KIAA1217: variants seen among roughly 807,000 people sequenced by gnomAD.
KIAA1217 encodes KIAA1217, also known as sickle tail protein homolog.
A neutral mutation model predicts 163.9 loss-of-function variants in KIAA1217; 88 were observed. The ratio of observed to expected loss-of-function variants is 0.54; its 90% CI spans 0.45 to 0.64. KIAA1217 has a LOEUF of 0.64. Among genes scored for constraint, KIAA1217 ranks in the 30% least tolerant of loss-of-function variants. KIAA1217 has a pLI of 0.00. For synonymous variants in KIAA1217, 903 were observed against 923.1 expected, an observed-to-expected ratio of 0.98 and a Z score of 0.39; for missense variants, 2,372 against 2,475.0, an observed-to-expected ratio of 0.96 and a Z score of 0.88.
rs1008320849 is a variant in KIAA1217 at position 24,131,466 on chromosome 10, T to C, written c.-170-88160T>C. The stretch of plus-strand genomic sequence containing the variant: ...AGTGATTCCAAGTCTTGTAATTTAA[T>C]ATGCATGGTTGAATGAACTTATCTT... On this transcript the variant is annotated intron_variant, in intron 2 of 18. Transcript: ENST00000376462. 3.9e-5 allele frequency among the ~76,000 whole-genome samples: 6 copies of C among 152,342 alleles called. No homozygotes were observed. The East Asian group carries it at 1.2e-3, about 29-fold the overall frequency.
At chr10:24,368,031 G>T (rs879472530) in intron 2 of KIAA1217, among the ~76,000 whole-genome samples, 2 of 152,024 alleles carry the variant, frequency 1.3e-5, no homozygotes, top group Non-Finnish European at 2.9e-5. Flanking sequence ...CTCTTTTTAG[G>T]GTAACAAGCT....
At chr10:24,107,610 T>C (rs2062681830) in intron 2 of KIAA1217, among the ~76,000 whole-genome samples, 1 of 152,232 alleles carries the variant, frequency 6.6e-6, no homozygotes, top group South Asian at 2.1e-4. Flanking sequence ...CATTGTGGTT[T>C]TGATTTGCAT....
In KIAA1217 at chr10:24,125,508, T is replaced by C. The variant is rs553742468; in HGVS notation, c.-170-94118T>C. On this transcript the variant is annotated intron_variant, in intron 2 of 18. Transcript: ENST00000376462. Reference sequence around the variant, plus strand: ...CAAATGTATTGATACAAAGTTGTTTTTGATATTTTTTCTTTTTAAAAATCT... The same window carrying C: ...CAAATGTATTGATACAAAGTTGTTTCTGATATTTTTTCTTTTTAAAAATCT... Among the ~76,000 whole-genome samples the C allele has an allele frequency of 2.0e-4, 31 of 152,306 alleles. No homozygotes were observed. The Middle Eastern group carries it at 0.02, about 100-fold the overall frequency.
chr10:23,726,867 G>A (rs1838173098), intron 1 of KIAA1217, among the ~76,000 whole-genome samples: 1 of 151,662 alleles, frequency 6.6e-6, no homozygotes, highest in Admixed American at 6.6e-5. Flanking sequence ...GAAAATCTTG[G>A]CATATATAGA....
intron 3 of KIAA1217, among the ~76,000 whole-genome samples, chr10:24,383,894 C>T (rs899707976): frequency 2.0e-5 from 3 of 152,252 alleles, no homozygotes; most frequent in Admixed American, 6.5e-5. Context: ...ATGTGACTCA[C>T]AGCAAGTGCA....
intron 2 of KIAA1217, among the ~76,000 whole-genome samples, chr10:24,017,040 G>GTTTTTTTTTTTTTTTTTTTTTT (rs35042335): frequency 7.7e-6 from 1 of 130,224 alleles, no homozygotes; most frequent in Non-Finnish European, 1.6e-5. Context: ...TAGTTTTTTT[G>GTTTTTTTTTTTTTTTTTTTTTT]TTTTTTTTTT....
intron 2 of KIAA1217, among the ~76,000 whole-genome samples, chr10:24,086,998 C>T (rs554604386): frequency 9.2e-5 from 14 of 152,294 alleles, no homozygotes; most frequent in Non-Finnish European, 1.8e-4. Context: ...CATCCTCATG[C>T]CCCCATTGTC....
At chr10:24,005,709 C>T (rs1211403130) in intron 1 of KIAA1217, among the ~76,000 whole-genome samples, 1 of 152,088 alleles carries the variant, frequency 6.6e-6, no homozygotes, top group Non-Finnish European at 1.5e-5. Flanking sequence ...GTAGTTGGCA[C>T]ATTGTAGTGA....
chr10:23,760,813 A>G (rs1206090592), intron 1 of KIAA1217, among the ~76,000 whole-genome samples: 1 of 152,168 alleles, frequency 6.6e-6, no homozygotes, highest in African/African-American at 2.4e-5. Flanking sequence ...AACAAGTATC[A>G]GCATACGTTT....
intron 1 of KIAA1217, among the ~76,000 whole-genome samples, chr10:23,919,265 G>T (rs771133341): frequency 5.3e-5 from 8 of 151,578 alleles, no homozygotes; most frequent in Non-Finnish European, 7.4e-5. Flanking sequence ...TATTTCTCTT[G>T]GCTGCAACCA....
chr10:24,538,115 AGTCCATGTAC>A (rs2074301873), intron 17 of KIAA1217, among the ~76,000 whole-genome samples: 1 of 152,252 alleles, frequency 6.6e-6, no homozygotes. Flanking sequence ...TGGGTACCTC[AGTCCATGTAC>A]GACAGCTCAA....
chr10:24,000,823 C>T lies in KIAA1217; in HGVS notation c.-320-6402C>T, dbSNP rs575803137. On this transcript the variant is annotated intron_variant, in intron 1 of 18. Coordinates refer to the KIAA1217 transcript ENST00000376462. The stretch of plus-strand genomic sequence containing the variant: ...AATTGGGGCTTCACCCCAGGTCGAG[C>T]ACTGCTCGCCCTCCGTGGGCCTCCT... 3.9e-5 allele frequency among the ~76,000 whole-genome samples: 6 copies of T among 152,362 alleles called. No homozygotes were observed. In the South Asian group the frequency reaches 1.2e-3, roughly 32 times the overall value.
intron 2 of KIAA1217, among the ~76,000 whole-genome samples, chr10:24,240,512 T>C (rs1470246701): frequency 6.6e-6 from 1 of 152,220 alleles, no homozygotes; most frequent in Non-Finnish European, 1.5e-5. Flanking sequence ...ACCACAGTTA[T>C]TGCAAAACAG....
chr10:23,814,114 C>T (rs990813490), intron 1 of KIAA1217, among the ~76,000 whole-genome samples: 14 of 152,004 alleles, frequency 9.2e-5, no homozygotes, highest in African/African-American at 2.9e-4. Flanking sequence ...AAAGGAGCCC[C>T]CAAAAAATTA....
intron 1 of KIAA1217, among the ~76,000 whole-genome samples, chr10:23,947,151 T>A (rs1352826116): frequency 6.6e-6 from 1 of 152,236 alleles, no homozygotes; most frequent in African/African-American, 2.4e-5. Context: ...TTAAACCTTT[T>A]TCCTTTATAA....
At chr10:24,485,800 T>C (rs1190905419) in intron 6 of KIAA1217, among the ~76,000 whole-genome samples, 1 of 152,236 alleles carries the variant, frequency 6.6e-6, no homozygotes, top group Non-Finnish European at 1.5e-5. Context: ...GTAAGGCAGT[T>C]GTTTTCCCAA....
intron 2 of KIAA1217, among the ~76,000 whole-genome samples, chr10:24,165,309 C>A (rs2065294917): frequency 6.6e-6 from 1 of 152,146 alleles, no homozygotes; most frequent in Admixed American, 6.5e-5. Context: ...TGAATAGGAG[C>A]CTGACCTCTC....
intron 2 of KIAA1217, among the ~76,000 whole-genome samples, chr10:24,139,420 C>T (rs1042072613): frequency 1.3e-5 from 2 of 152,068 alleles, no homozygotes; most frequent in East Asian, 1.9e-4. Context: ...TATGTTGTCT[C>T]GATCATCTAT....
At chr10:23,817,998 T>TATACAC (rs1554802014) in intron 1 of KIAA1217, among the ~76,000 whole-genome samples, 1 of 103,740 alleles carries the variant, frequency 9.6e-6, no homozygotes, top group African/African-American at 4.2e-5. Context: ...TATATATATA[T>TATACAC]ATATATATAT....
Sources: gnomAD v4.1 joint callset for allele counts (sites outside exome capture counted in the v4.1 genomes callset) on GRCh38, gnomAD v4.1.1 for gene constraint, MANE v1.5 for transcripts, NCBI Gene and HGNC (gene_info 2026-07-23, HGNC 2026-07-21) for gene names.